IFT43: variants seen among roughly 807,000 people sequenced by gnomAD.
IFT43 encodes the protein intraflagellar transport 43.
In IFT43, 33 loss-of-function variants were observed where a neutral mutation model predicts 32.3. The observed-to-expected ratio is 1.02, with a 90% CI of 0.77 to 1.37. IFT43 has a LOEUF of 1.37. IFT43 is among the 40% of genes most tolerant of loss of function. The pLI, the probability that IFT43 is intolerant of heterozygous loss-of-function variation, is 0.00. For synonymous variants in IFT43, 93 were observed against 98.2 expected, an observed-to-expected ratio of 0.95 and a Z score of 0.31; for missense variants, 274 against 265.9, an observed-to-expected ratio of 1.03 and a Z score of -0.21.
At chr14:76,070,592 A>G (rs553206487) in intron 5 of IFT43, among the ~76,000 whole-genome samples, 3 of 152,092 alleles carry the variant, frequency 2.0e-5, no homozygotes, top group Non-Finnish European at 4.4e-5. Flanking sequence ...TATCATTTAG[A>G]TATGTGTCCC....
Position 75,986,318 on chromosome 14 carries a change from G to T in IFT43, c.54+478G>T, listed in dbSNP as rs1164836498. The T allele has an allele frequency of 3.3e-6, 4 of 1,230,122 alleles. No homozygotes were observed. The South Asian group carries it at 4.1e-5, about 13-fold the overall frequency. 76.2% of individuals were successfully genotyped at this position (1,230,122 alleles called of 1,614,324 possible). A position where few individuals can be genotyped will look rare whatever the true frequency, so the allele number is the denominator to read the frequency against. On this transcript the variant is annotated intron_variant, in intron 1 of 8. Transcript: ENST00000314067. Reference sequence around the variant, plus strand: ...ACGGCCTTTCTTCCCGGTAATCCCCGTGGGGAGGTGGGAGTTAACCTCAGT... The same window carrying T: ...ACGGCCTTTCTTCCCGGTAATCCCCTTGGGGAGGTGGGAGTTAACCTCAGT...
At chr14:76,027,444 C>T (rs975889178) in intron 3 of IFT43, among the ~76,000 whole-genome samples, 2 of 152,020 alleles carry the variant, frequency 1.3e-5, no homozygotes, top group Non-Finnish European at 2.9e-5. Flanking sequence ...CATTCTCGGC[C>T]GGGCGCAGTG....
intron 5 of IFT43, among the ~76,000 whole-genome samples, chr14:76,075,973 G>A (rs1262671162): frequency 6.6e-6 from 1 of 152,224 alleles, no homozygotes; most frequent in Non-Finnish European, 1.5e-5. Flanking sequence ...TGTTGACTTT[G>A]CACACAGAAT....
chr14:76,047,884 T>C (rs2036839724), intron 3 of IFT43, among the ~76,000 whole-genome samples: 1 of 151,806 alleles, frequency 6.6e-6, no homozygotes, highest in Non-Finnish European at 1.5e-5. Context: ...CAGATGTGGG[T>C]GGGGGCCAGA....
chr14:75,990,816 T>G (rs1165527432), intron 2 of IFT43, among the ~76,000 whole-genome samples: 3 of 152,244 alleles, frequency 2.0e-5, no homozygotes, highest in Non-Finnish European at 2.9e-5. Flanking sequence ...AGCCAATTCT[T>G]GGCCTCTGGC....
chr14:75,999,247 A>ATATAAATTAATTT (rs1566699239), intron 2 of IFT43, among the ~76,000 whole-genome samples: 1 of 59,580 alleles, frequency 1.7e-5, no homozygotes, highest in Non-Finnish European at 2.6e-5. Context: ...ATATATATAT[A>ATATAAATTAATTT]TATATATATA....
chr14:76,013,305 G>C (rs2036120868), intron 2 of IFT43, among the ~76,000 whole-genome samples: 1 of 152,230 alleles, frequency 6.6e-6, no homozygotes, highest in African/African-American at 2.4e-5. Flanking sequence ...AAAGATGTGT[G>C]AATAAAGGGC....
At chr14:76,008,761 A>T (rs1456386813) in intron 2 of IFT43, among the ~76,000 whole-genome samples, 4 of 152,218 alleles carry the variant, frequency 2.6e-5, no homozygotes, top group African/African-American at 7.2e-5. Context: ...GTAAAGACAC[A>T]GCTATTTTCC....
chr14:76,036,312 T>TTTCC (rs140823134), intron 3 of IFT43, among the ~76,000 whole-genome samples: 1,912 of 151,948 alleles, frequency 0.013, 34 homozygotes, highest in African/African-American at 0.037. Flanking sequence ...TATTTAGCCA[T>TTTCC]TTCCTTCCTT....
intron 1 of IFT43, chr14:75,986,167 G>A (rs770956439): frequency 7.4e-7 from 1 of 1,343,024 alleles, no homozygotes. Context: ...CGATCACAGG[G>A]TGATAGGGGA....
intron 5 of IFT43, among the ~76,000 whole-genome samples, chr14:76,073,423 C>T (rs2037355831): frequency 1.3e-5 from 2 of 152,184 alleles, no homozygotes; most frequent in Admixed American, 1.3e-4. Context: ...TAAAGGAGGA[C>T]TTGAGGCAGC....
intron 2 of IFT43, among the ~76,000 whole-genome samples, chr14:76,008,823 C>CA (rs1386045028): frequency 1.3e-5 from 2 of 152,206 alleles, no homozygotes. Context: ...GCACAGTGTT[C>CA]AAGCTGTTAC....
Position 76,020,824 on chromosome 14 carries a change from CA to C in IFT43, c.148-1502del, listed in dbSNP as rs559803797. On this transcript the variant is annotated intron_variant, in intron 2 of 8. Coordinates refer to ENST00000314067, the MANE Select transcript of IFT43 (RefSeq NM_001102564.3). ...GGGTTCTGGTGATGGTGGATCTGGG[CA>C]GGTCAGTCCTTAGGCCTCCAGTGCC... 4.3e-3 allele frequency among the ~76,000 whole-genome samples: 650 copies of C among 152,188 alleles called. 4 individuals are homozygous for C. Among genetic ancestry groups the C allele is most frequent in the African/African-American group, 0.015 (628 of 41,504 alleles).
At chr14:76,077,393 G>A (rs2037430567) in intron 5 of IFT43, among the ~76,000 whole-genome samples, 1 of 152,216 alleles carries the variant, frequency 6.6e-6, no homozygotes, top group South Asian at 2.1e-4. Flanking sequence ...AAGTAGAGAA[G>A]GTTGACATGG....
intron 5 of IFT43, among the ~76,000 whole-genome samples, chr14:76,075,070 T>TC (rs1350561534): frequency 6.6e-6 from 1 of 152,204 alleles, no homozygotes; most frequent in Non-Finnish European, 1.5e-5. Context: ...CAGGGCCTCC[T>TC]CTCTCTGTCT....
chr14:76,082,372 G>A lies in IFT43; in HGVS notation c.368+5G>A, dbSNP rs746538201. 1 of 1,569,614 alleles carries A rather than the reference G, an allele frequency of 6.4e-7. No homozygotes were observed. The highest frequency in any genetic ancestry group is 1.1e-5 in the South Asian group (1 of 90,148). On this transcript the variant is annotated splice_donor_5th_base_variant and intron_variant, in intron 6 of 8. Transcript: ENST00000314067. ...GCAGGTGGCAGCCCCTCCCAGGTAG[G>A]TTAAATCAGATATGATTGGGGAGGC...
intron 2 of IFT43, among the ~76,000 whole-genome samples, chr14:76,007,746 T>C (rs573777563): frequency 2.6e-4 from 39 of 152,314 alleles, no homozygotes; most frequent in South Asian, 6.2e-4. Flanking sequence ...AAAGAATTTT[T>C]ATGTTGGCTG....
At chr14:76,072,644 A>G (rs899873486) in intron 5 of IFT43, among the ~76,000 whole-genome samples, 6 of 152,212 alleles carry the variant, frequency 3.9e-5, no homozygotes, top group Non-Finnish European at 8.8e-5. Context: ...CCAGGAACAC[A>G]GAGAGAAAGC....
At chr14:75,991,288 G>A (rs2035633402) in intron 2 of IFT43, among the ~76,000 whole-genome samples, 1 of 151,544 alleles carries the variant, frequency 6.6e-6, no homozygotes, top group South Asian at 2.1e-4. Context: ...CTGAGATCTT[G>A]CCATTGCACT....
Sources: allele counts gnomAD v4.1 joint callset (sites outside exome capture counted in the v4.1 genomes callset), GRCh38; gene constraint gnomAD v4.1.1; transcripts MANE v1.5; gene names NCBI Gene and HGNC (gene_info 2026-07-23, HGNC 2026-07-21).